ZNF667: variants seen among roughly 807,000 people sequenced by gnomAD.
ZNF667 encodes myocardial ischemic preconditioning upregulated 1 ortholog.
In ZNF667, 13 loss-of-function variants were observed where a neutral mutation model predicts 31.8. The observed-to-expected ratio is 0.41, with a 90% CI of 0.27 to 0.65. The LOEUF (loss-of-function observed/expected upper bound fraction) is 0.65, where lower values mean the gene tolerates loss of function less well. Among genes scored for constraint, ZNF667 ranks in the 30% least tolerant of loss-of-function variants. ZNF667 has a pLI of 0.32. For synonymous variants in ZNF667, 228 were observed against 247.1 expected, an observed-to-expected ratio of 0.92 and a Z score of 0.73; for missense variants, 642 against 725.6, an observed-to-expected ratio of 0.88 and a Z score of 1.32.
chr19:56,465,516 A>G (rs1004588408), intron 3 of ZNF667, among the ~76,000 whole-genome samples: 1 of 152,248 alleles, frequency 6.6e-6, no homozygotes, highest in African/African-American at 2.4e-5. Context: ...CCATGTGCTA[A>G]GCAACACTGA....
At chr19:56,452,608 A>G (rs1290533729) in intron 6 of ZNF667, among the ~76,000 whole-genome samples, 1 of 152,058 alleles carries the variant, frequency 6.6e-6, no homozygotes, top group Non-Finnish European at 1.5e-5. Context: ...GCAGAAAGAA[A>G]TGAAATTTAA....
chr19:56,462,335 T>G lies in ZNF667; in HGVS notation c.33+3A>C. 6.2e-7 allele frequency: 1 copy of G among 1,614,180 alleles called. No individual in the cohort carries two copies. The highest frequency in any genetic ancestry group is 8.5e-7 in the Non-Finnish European group (1 of 1,180,006). On this transcript the variant is annotated splice_donor_region_variant and intron_variant, in intron 4 of 6. Transcript: ENST00000504904. ...TCCGGAAGGAAGAGGAATTGCCACT[T>G]ACCTTGGATTTGGATTTCCCCCGTG...
intron 3 of ZNF667, among the ~76,000 whole-genome samples, chr19:56,464,302 T>C (rs1248588951): frequency 1.3e-5 from 2 of 152,226 alleles, no homozygotes; most frequent in Non-Finnish European, 2.9e-5. Context: ...GAGAGCAACC[T>C]GAGCAATGTA....
intron 1 of ZNF667, 25 bp from the exon 2 acceptor site, chr19:56,474,149 G>C (rs890583428): frequency 3.3e-5 from 5 of 152,278 alleles, no homozygotes; most frequent in African/African-American, 2.4e-5. Flanking sequence ...GCTTCAAAGA[G>C]TTACTGAACC....
intron 6 of ZNF667, chr19:56,449,255 C>T (rs1172509634): frequency 6.9e-6 from 3 of 435,608 alleles, no homozygotes; most frequent in Non-Finnish European, 1.4e-5. Context: ...TGACCAGGTA[C>T]TGACAAACAT....
intron 6 of ZNF667, chr19:56,449,801 G>GA (rs1265420293): frequency 6.6e-6 from 1 of 151,140 alleles, no homozygotes; most frequent in Admixed American, 6.6e-5. Flanking sequence ...TAATTAAAGA[G>GA]AATCAAGCAG....
chr19:56,447,737 T>C (rs10426901), intron 6 of ZNF667, among the ~76,000 whole-genome samples: 129,884 of 152,046 alleles, frequency 0.85, 55,546 homozygotes, highest in East Asian at 0.92. Context: ...AAAAATTAGC[T>C]GGGTATGGTG....
At chr19:56,473,826 G>C (rs2043343727) in intron 2 of ZNF667, among the ~76,000 whole-genome samples, 186 bp downstream of exon 2, 1 of 152,198 alleles carries the variant, frequency 6.6e-6, no homozygotes, top group Non-Finnish European at 1.5e-5. Context: ...ACAAATACAT[G>C]ACTTTGAAAA....
Position 56,442,949 on chromosome 19 carries a change from G to T in ZNF667, c.254-208C>A, listed in dbSNP as rs375058203. ...ACCAGAGTTCAGAAGAGTGTAATTT[G>T]AAAATGAATAAGATTTTATTTATAC... On this transcript the variant is annotated intron_variant, in intron 6 of 6. Coordinates refer to ENST00000504904, the MANE Select transcript of ZNF667 (RefSeq NM_001321356.2). Among the ~76,000 whole-genome samples, 16 of 152,232 alleles carry T rather than the reference G, an allele frequency of 1.1e-4. No homozygotes were observed. In the East Asian group the frequency reaches 2.3e-3, roughly 22 times the overall value.
Position 56,441,471 on chromosome 19 carries a change from G to A in ZNF667, c.1524C>T (p.Phe508=), listed in dbSNP as rs781472065. 5 of 1,614,124 alleles carry A rather than the reference G, an allele frequency of 3.1e-6. No individual in the cohort carries two copies. Among genetic ancestry groups the A allele is most frequent in the Non-Finnish European group, 4.2e-6 (5 of 1,180,014 alleles). ...GTTGGGCGAGGTGTGCACTCTGGCT[G>A]AAGGCCTTCCCACACTGATCACATT... The part of the protein sequence containing the change: ...PYECDQCGKA[F]SQSAHLAQHE... Residue 508 remains phenylalanine, a synonymous_variant, in exon 7 of 7, where the codon TTC becomes TTT. Transcript: ENST00000504904. This position sits in a 1 kb window ranked among gnomAD's most constrained non-coding sequence, Gnocchi z 4.2.
At position 56,474,107 on chromosome 19, in the gene ZNF667, G is replaced by A. The variant is rs950006503; in HGVS notation, c.-644C>T. 2.6e-5 allele frequency: 4 copies of A among 152,238 alleles called. No homozygotes were observed. The East Asian group carries it at 5.8e-4, about 22-fold the overall frequency. 9.4% of individuals were successfully genotyped at this position (152,238 alleles called of 1,614,324 possible). ...AAGGCACAAAGCTATGTCCTCCTGA[G>A]GTGAGGACGGCTGGAACCTGGATGG... On this transcript the variant is annotated 5_prime_UTR_variant, in exon 2 of 7. Coordinates refer to ENST00000504904, the MANE Select transcript of ZNF667 (RefSeq NM_001321356.2).
At chr19:56,465,329 CAG>C (rs1378171333) in intron 3 of ZNF667, among the ~76,000 whole-genome samples, 1 of 152,184 alleles carries the variant, frequency 6.6e-6, no homozygotes, top group African/African-American at 2.4e-5. Flanking sequence ...GGCTTGAGTT[CAG>C]AGTTAGGTAA....
At position 56,446,641 on chromosome 19, in the gene ZNF667, C is replaced by A. The variant is rs74745674; in HGVS notation, c.254-3900G>T. ...AGGGTTCTAGAGAAAGCTTTGTGGA[C>A]CTGCAGTTGCTTAATAACTGGTAGT... On this transcript the variant is annotated intron_variant, in intron 6 of 6. Coordinates refer to ENST00000504904, the MANE Select transcript of ZNF667 (RefSeq NM_001321356.2). 3.8e-3 allele frequency among the ~76,000 whole-genome samples: 572 copies of A among 152,228 alleles called. 29 individuals are homozygous for A. The East Asian group carries it at 0.096, about 26-fold the overall frequency.
At chr19:56,447,984 C>G (rs2042740368) in intron 6 of ZNF667, among the ~76,000 whole-genome samples, 1 of 152,174 alleles carries the variant, frequency 6.6e-6, no homozygotes, top group Non-Finnish European at 1.5e-5. Context: ...AATTGAACAA[C>G]TATCCACATA....
At chr19:56,455,361 A>T (rs1441783675) in intron 6 of ZNF667, among the ~76,000 whole-genome samples, 2 of 152,218 alleles carry the variant, frequency 1.3e-5, no homozygotes, top group African/African-American at 2.4e-5. Context: ...TATAAAAAAG[A>T]TCTCTGCATT....
intron 5 of ZNF667, among the ~76,000 whole-genome samples, chr19:56,458,895 G>C (rs543895292): frequency 6.8e-4 from 104 of 152,126 alleles, no homozygotes; most frequent in Non-Finnish European, 1.3e-3. Flanking sequence ...AGCTACTCTA[G>C]CAAATGACTG....
chr19:56,461,391 C>T (rs574429844), intron 4 of ZNF667, among the ~76,000 whole-genome samples: 21 of 152,120 alleles, frequency 1.4e-4, no homozygotes, highest in Non-Finnish European at 2.6e-4. Context: ...TTGACCTGGC[C>T]AGTTGGTTAT....
At position 56,441,082 on chromosome 19, in the gene ZNF667, A is replaced by C; in HGVS notation, c.*80T>G. ...TATCATCAAATGGTCCCATATACAC[A>C]AAATTTACATTATAGACAAATACAT... On this transcript the variant is annotated 3_prime_UTR_variant, in exon 7 of 7. Transcript: ENST00000504904. The surrounding 1 kb of genome is among the most constrained non-coding windows in gnomAD (Gnocchi z 4.2). 6.6e-7 allele frequency: 1 copy of C among 1,514,252 alleles called. No individual in the cohort carries two copies. Among genetic ancestry groups the C allele is most frequent in the Non-Finnish European group, 8.8e-7 (1 of 1,135,956 alleles). 93.8% of individuals were successfully genotyped at this position (1,514,252 alleles called of 1,614,324 possible). A position where few individuals can be genotyped will look rare whatever the true frequency, so the allele number is the denominator to read the frequency against.
At position 56,471,974 on chromosome 19, in the gene ZNF667, A is replaced by G. The variant is rs2043301199; in HGVS notation, c.-335T>C. 1 of 152,176 alleles carries G rather than the reference A, an allele frequency of 6.6e-6. No homozygotes were observed. The highest frequency in any genetic ancestry group is 1.5e-5 in the Non-Finnish European group (1 of 68,038). The allele number at this position is 152,176 out of a possible 1,614,324, so 9.4% of individuals were successfully genotyped here. ...GGGCGGTTTCCCCCATGCTGTTCTC[A>G]TGGCAGTGAGTAAGTCTCATGTGAT... is the stretch of plus-strand genomic sequence containing the variant. On this transcript the variant is annotated 5_prime_UTR_variant, in exon 3 of 7. An upstream start codon of the reference 5' UTR is lost. Coordinates refer to ENST00000504904, the MANE Select transcript of ZNF667 (RefSeq NM_001321356.2).
Sources: gnomAD v4.1 joint callset for allele counts (sites outside exome capture counted in the v4.1 genomes callset) on GRCh38, gnomAD v4.1.1 for gene constraint, Gnocchi (gnomAD v3.1) non-coding constraint, MANE v1.5 for transcripts, NCBI Gene and HGNC (gene_info 2026-07-23, HGNC 2026-07-21) for gene names.